Variants in EIF2AK3 observed in about 807,000 individuals in gnomAD.
EIF2AK3 encodes the protein eukaryotic translation initiation factor 2 alpha kinase 3, also known as eukaryotic translation initiation factor 2-alpha kinase 3.
A neutral mutation model predicts 113.5 loss-of-function variants in EIF2AK3; 50 were observed. The ratio of observed to expected loss-of-function variants is 0.44; its 90% CI spans 0.35 to 0.56. The LOEUF (loss-of-function observed/expected upper bound fraction) is 0.56, where lower values mean the gene tolerates loss of function less well. EIF2AK3 is among the 20% of genes least tolerant of loss of function. The pLI, the probability that EIF2AK3 is intolerant of heterozygous loss-of-function variation, is 0.00. For synonymous variants in EIF2AK3, 448 were observed against 495.4 expected, an observed-to-expected ratio of 0.90 and a Z score of 1.27; for missense variants, 1,185 against 1,378.0, an observed-to-expected ratio of 0.86 and a Z score of 2.22.
At chr2:88,617,126 G>A (rs1421288955) in intron 1 of EIF2AK3, among the ~76,000 whole-genome samples, 2 of 152,126 alleles carry the variant, frequency 1.3e-5, no homozygotes, top group Admixed American at 1.3e-4. Context: ...ACATCAAGTA[G>A]ACAGATAATG....
chr2:88,576,276 C>T (rs1674454883), intron 12 of EIF2AK3, among the ~76,000 whole-genome samples: 2 of 152,100 alleles, frequency 1.3e-5, no homozygotes. Flanking sequence ...GACAGGGTCT[C>T]ACTATGTTGC....
At position 88,576,687 on chromosome 2, in the gene EIF2AK3, T is replaced by C. The variant is rs1255091514; in HGVS notation, c.1903A>G (p.Lys635Glu). Residue 635 changes from lysine to glutamate, a missense_variant, in exon 12 of 17, where the codon AAG becomes GAG. Lys to Glu is a moderately conservative substitution (Grantham distance 56). Transcript: ENST00000303236. ...RLPNRELARE[K>E]VMREVKALAK... Reference sequence around the variant, plus strand: ...AAGGCTTTAACTTCTCGCATTACCTTTTCCCGAGCCAATTCCCTGAAAGAG... The same window carrying C: ...AAGGCTTTAACTTCTCGCATTACCTCTTCCCGAGCCAATTCCCTGAAAGAG... 14 of 1,613,984 alleles carry C rather than the reference T, an allele frequency of 8.7e-6. No homozygotes were observed. The Admixed American group carries it at 2.2e-4, about 25-fold the overall frequency.
At position 88,558,493 on chromosome 2, in the gene EIF2AK3, C is replaced by T. The variant is rs1222592248; in HGVS notation, c.3150+424G>A. 1.3e-5 allele frequency among the ~76,000 whole-genome samples: 2 copies of T among 152,220 alleles called. 1 individual carries two copies. The highest frequency in any genetic ancestry group is 6.8e-3 in the Middle Eastern group (2 of 294). ...ATAGATTCATCAAGTTTGCAAAATA[C>T]ATGATGACAATTTTTAGTAAAACAG... On this transcript the variant is annotated intron_variant, in intron 16 of 16. Coordinates refer to ENST00000303236, the MANE Select transcript of EIF2AK3 (RefSeq NM_004836.7).
At chr2:88,623,997 CT>C (rs562658870) in intron 1 of EIF2AK3, among the ~76,000 whole-genome samples, 24 of 146,898 alleles carry the variant, frequency 1.6e-4, no homozygotes, top group African/African-American at 1.5e-4. Context: ...TTTTCCTTTT[CT>C]TTTTTTTTTT....
intron 7 of EIF2AK3, among the ~76,000 whole-genome samples, chr2:88,588,470 A>C (rs1277781057): frequency 6.6e-6 from 1 of 152,210 alleles, no homozygotes; most frequent in Non-Finnish European, 1.5e-5. Context: ...TAAGTATGTT[A>C]AGCGCTAAAT....
At position 88,584,527 on chromosome 2, in the gene EIF2AK3, GAA is replaced by G. The variant is rs66817563; in HGVS notation, c.1651-987_1651-986del. ...GTGAGATGAGTGAGACCCTGTCTCT[GAA>G]AAAAAAAAAAAAAAAAAAAGAATGT... On this transcript the variant is annotated intron_variant, in intron 9 of 16. Coordinates refer to ENST00000303236, the MANE Select transcript of EIF2AK3 (RefSeq NM_004836.7). Among the ~76,000 whole-genome samples the G allele has an allele frequency of 7.6e-3, 559 of 73,288 alleles. 1 individual carries two copies. The highest frequency in any genetic ancestry group is 0.011 in the Non-Finnish European group (456 of 40,282). 48.1% of individuals were successfully genotyped at this position (73,288 alleles called of 152,430 possible).
At position 88,562,340 on chromosome 2, in the gene EIF2AK3, C is replaced by T. The variant is rs760802108; in HGVS notation, c.3036G>A (p.Leu1012=). ...SHKVDIFSLG[L]ILFELLYPFS... ...ATGGATACAGCAATTCAAATAGAAT[C>T]AGGCCTAAAGAAAAGATGTCCACTT... Residue 1012 remains leucine, a synonymous_variant, in exon 15 of 17, where the codon CTG becomes CTA. Coordinates refer to ENST00000303236, the MANE Select transcript of EIF2AK3 (RefSeq NM_004836.7). 3.7e-6 allele frequency: 6 copies of T among 1,614,056 alleles called. No homozygotes were observed. Among genetic ancestry groups the T allele is most frequent in the Non-Finnish European group, 5.1e-6 (6 of 1,179,980 alleles).
intron 1 of EIF2AK3, among the ~76,000 whole-genome samples, chr2:88,615,614 A>T (rs886073135): frequency 2.6e-5 from 4 of 152,160 alleles, no homozygotes; most frequent in Admixed American, 6.5e-5. Context: ...AACTATGAGA[A>T]ATAAAGGTCT....
At chr2:88,625,036 A>ACT (rs144949713) in intron 1 of EIF2AK3, 9 of 152,232 alleles carry the variant, frequency 5.9e-5, no homozygotes, top group African/African-American at 2.2e-4. Context: ...CACTCAGGAT[A>ACT]CTCTACCCAA....
rs937572063 is a variant in EIF2AK3, at chr2:88,557,536, C to A, written c.*200G>T. On this transcript the variant is annotated 3_prime_UTR_variant, in exon 17 of 17. Transcript: ENST00000303236. Reference sequence around the variant, plus strand: ...TAACAAAGAACAAAGATAGCCCTTTCCTTAAGTATAGCAAAACTCAGGAGT... The same window carrying A: ...TAACAAAGAACAAAGATAGCCCTTTACTTAAGTATAGCAAAACTCAGGAGT... 1.6e-6 allele frequency: 1 copy of A among 620,590 alleles called. No homozygotes were observed. The highest frequency in any genetic ancestry group is 2.8e-6 in the Non-Finnish European group (1 of 350,934). The allele number at this position is 620,590 out of a possible 1,614,324, so 38.4% of individuals were successfully genotyped here.
At chr2:88,591,125 G>A in intron 4 of EIF2AK3, 73 bp from the exon 5 acceptor site, 1 of 1,317,728 alleles carries the variant, frequency 7.6e-7, no homozygotes, top group South Asian at 1.2e-5. Flanking sequence ...AACTCTTCTA[G>A]ATTGAAGAAG....
chr2:88,593,178 A>G, intron 4 of EIF2AK3, 94 bp downstream of exon 4: 2 of 1,503,762 alleles, frequency 1.3e-6, no homozygotes, highest in Non-Finnish European at 9.2e-7. Flanking sequence ...AAGGCAACAA[A>G]ATAGTCAAAA....
rs1374127433 is a variant in EIF2AK3, at chr2:88,587,299, T to A, written c.1429+683A>T. ...ATCAATTTAATTTATATAATAACTT[T>A]CCAGTGCTAACATCTAGGGTAACTG... On this transcript the variant is annotated intron_variant, in intron 8 of 16. Coordinates refer to ENST00000303236, the MANE Select transcript of EIF2AK3 (RefSeq NM_004836.7). Among the ~76,000 whole-genome samples, 5 of 151,894 alleles carry A rather than the reference T, an allele frequency of 3.3e-5. No homozygotes were observed. The South Asian group carries it at 1.0e-3, about 32-fold the overall frequency.
At chr2:88,584,261 A>G (rs751652545) in intron 9 of EIF2AK3, among the ~76,000 whole-genome samples, 1 of 152,126 alleles carries the variant, frequency 6.6e-6, no homozygotes, top group Non-Finnish European at 1.5e-5. Context: ...TCATGCCTGT[A>G]ATCCCAACAC....
At chr2:88,577,171 C>A (rs746483876) in intron 11 of EIF2AK3, among the ~76,000 whole-genome samples, 1 of 151,952 alleles carries the variant, frequency 6.6e-6, no homozygotes, top group Non-Finnish European at 1.5e-5. Flanking sequence ...TTGGTAGAGA[C>A]AGGGTTTCAC....
intron 11 of EIF2AK3, among the ~76,000 whole-genome samples, chr2:88,578,404 C>T (rs1000743010): frequency 4.0e-5 from 6 of 151,734 alleles, no homozygotes; most frequent in Non-Finnish European, 5.9e-5. Flanking sequence ...AAAAATTAGC[C>T]GAGTGTGGTG....
intron 13 of EIF2AK3, 197 bp downstream of exon 13, chr2:88,574,469 T>A (rs554672865): frequency 8.0e-6 from 5 of 625,428 alleles, no homozygotes; most frequent in South Asian, 5.9e-5. Flanking sequence ...AATGAATGCA[T>A]GGTTTGCCTA....
chr2:88,583,672 AAACAAAGTGCAGCATTTTG>A (rs1573399867), intron 9 of EIF2AK3, 130 bp from the exon 10 acceptor site: 1 of 715,166 alleles, frequency 1.4e-6, no homozygotes, highest in African/African-American at 1.8e-5. Flanking sequence ...AGCATTATGA[AAACAAAGTGCAGCATTTTG>A]CTTTATTATA....
chr2:88,618,983 G>A (rs1164340050), intron 1 of EIF2AK3, among the ~76,000 whole-genome samples: 1 of 151,852 alleles, frequency 6.6e-6, no homozygotes, highest in Non-Finnish European at 1.5e-5. Context: ...GTCCCTCCTG[G>A]GTCCTCATCT....
Sources: allele counts gnomAD v4.1 joint callset (sites outside exome capture counted in the v4.1 genomes callset), GRCh38; gene constraint gnomAD v4.1.1; transcripts MANE v1.5; gene names NCBI Gene and HGNC (gene_info 2026-07-23, HGNC 2026-07-21).